PKD1L3: variants seen among roughly 807,000 people sequenced by gnomAD.
The protein encoded by PKD1L3 is polycystin 1 like 3, transient receptor potential channel interacting.
In PKD1L3, 239 loss-of-function variants were observed where a neutral mutation model predicts 184.1. The observed-to-expected ratio is 1.30, with a 90% confidence interval of 1.17 to 1.45. The LOEUF is 1.45. Ranked by LOEUF, PKD1L3 falls within the 40% of genes most tolerant of loss-of-function variation. The pLI is 0.00. For missense variants in PKD1L3, 2,660 were observed against 2,067.2 expected (o/e 1.29, Z -5.56); for synonymous variants, 996 against 778.8 (o/e 1.28, Z -4.64).
chr16:71,970,029 A>G lies in PKD1L3; in HGVS notation c.2030T>C (p.Val677Ala), dbSNP rs1191732563. 1 of 1,551,706 alleles carries G rather than the reference A, an allele frequency of 6.4e-7. No individual in the cohort carries two copies. Among genetic ancestry groups the G allele is most frequent in the East Asian group, 2.4e-5 (1 of 40,916 alleles). ...HLTFFASDFF[V>A]VPRTVNVEDT... ...TTCAACATTCACGGTCCTGGGCACG[A>G]CAAAGAAGTCGCTGGCAAAGAAGGT... Residue 677 changes from valine to alanine, a missense_variant, in exon 13 of 30, where the codon GTC becomes GCC. Physicochemically the swap from Val to Ala is moderately conservative, Grantham distance 64. Transcript: ENST00000620267.
At chr16:71,971,303 T>C (rs980556303) in intron 12 of PKD1L3, among the ~76,000 whole-genome samples, 6 of 152,260 alleles carry the variant, frequency 3.9e-5, no homozygotes, top group African/African-American at 1.4e-4. Flanking sequence ...GCTTTCCATA[T>C]GTTGGAACAT....
chr16:71,979,265 G>A (rs892113086), intron 9 of PKD1L3, among the ~76,000 whole-genome samples: 30 of 152,116 alleles, frequency 2.0e-4, no homozygotes, highest in Non-Finnish European at 3.1e-4. Flanking sequence ...CCAAAATGGC[G>A]AAACCCCGCC....
chr16:71,933,791 A>T (rs2038076154), intron 27 of PKD1L3, 124 bp downstream of exon 27: 1 of 1,085,158 alleles, frequency 9.2e-7, no homozygotes, highest in Non-Finnish European at 1.3e-6. Context: ...GTGGAACTAG[A>T]TCTAAACCCG....
intron 16 of PKD1L3, among the ~76,000 whole-genome samples, chr16:71,958,717 G>T (rs951954688): frequency 2.7e-5 from 4 of 146,430 alleles, no homozygotes; most frequent in Admixed American, 6.9e-5. Context: ...GGAGGCGGAG[G>T]TTGCAGTGAG....
chr16:71,934,107 C>T lies in PKD1L3; in HGVS notation c.4632G>A (p.Glu1544=). The change falls in exon 27 of 30, where the codon GAG becomes GAA. Residue 1544 remains glutamate, a synonymous_variant. Transcript: ENST00000620267. ...TCGCAGCAGAGTTCACTTTTACTGC[C>T]TCATAGAAGCTGATGAATCTGCACC... ...DDQDRFISFY[E]AVKVNSAATH... 1 of 1,551,874 alleles carries T rather than the reference C, an allele frequency of 6.4e-7. No homozygotes were observed. The highest frequency in any genetic ancestry group is 8.7e-7 in the Non-Finnish European group (1 of 1,147,040).
chr16:71,935,893 T>A (rs2038158234), intron 25 of PKD1L3, among the ~76,000 whole-genome samples: 1 of 151,918 alleles, frequency 6.6e-6, no homozygotes, highest in South Asian at 2.1e-4. Context: ...AGGCTCAGGC[T>A]CAAGCAGTCC....
intron 3 of PKD1L3, among the ~76,000 whole-genome samples, chr16:71,990,663 G>A (rs2040553954): frequency 6.6e-6 from 1 of 152,156 alleles, no homozygotes; most frequent in South Asian, 2.1e-4. Context: ...GAACCTGGGA[G>A]GCAGAGGTTG....
At position 71,993,293 on chromosome 16, in the gene PKD1L3, C is replaced by T; in HGVS notation, c.458G>A (p.Gly153Glu). 1.9e-6 allele frequency: 3 copies of T among 1,549,064 alleles called. No individual in the cohort carries two copies. The highest frequency in any genetic ancestry group is 2.6e-6 in the Non-Finnish European group (3 of 1,146,164). The change falls in exon 3 of 30, where the codon GGA becomes GAA. Residue 153 changes from glycine to glutamate, a missense_variant. Transcript: ENST00000620267. ...TCTCTGGTACAAATGGGAATTATTT[C>T]CATTTCTTTCATAATGGGCATCTCC... ...LDGDAHYERNGNNSHLYQRHK... is the reference protein window; with the variant it reads ...LDGDAHYERNENNSHLYQRHK...
At chr16:71,954,381 A>C (rs566506602) in intron 16 of PKD1L3, 80 bp from the exon 17 acceptor site, 1 of 1,132,956 alleles carries the variant, frequency 8.8e-7, no homozygotes, top group African/African-American at 1.6e-5. Context: ...TTTGCCCAGC[A>C]ACAAGCGACA....
rs1375200862 is a variant in PKD1L3 at position 71,943,367 on chromosome 16, C to T, written c.3860-343G>A. ...GCCTGACCAACATAGTAAAACCCCC[C>T]CATCTACTAGAAATACAAAAATTAG... is the stretch of plus-strand genomic sequence containing the variant. On this transcript the variant is annotated intron_variant, in intron 23 of 29. Transcript: ENST00000620267. Among the ~76,000 whole-genome samples, 5 of 151,616 alleles carry T rather than the reference C, an allele frequency of 3.3e-5. No homozygotes were observed. The South Asian group carries it at 8.3e-4, about 25-fold the overall frequency.
rs146736750 is a variant in PKD1L3, at chr16:71,970,126, T to A, written c.1954-21A>T. 1.2e-3 allele frequency: 1,794 copies of A among 1,537,966 alleles called. 18 individuals carry two copies. The African/African-American group carries it at 0.022, about 19-fold the overall frequency. On this transcript the variant is annotated intron_variant, in intron 12 of 29. Coordinates refer to ENST00000620267, the MANE Select transcript of PKD1L3 (RefSeq NM_181536.2). ...CCAACCTGGAATTAGAATCAAGACG[T>A]TGATTCTAGTCAGACAGAGTGCTAA...
chr16:71,956,378 G>T (rs1328774861), intron 16 of PKD1L3, among the ~76,000 whole-genome samples: 1 of 151,650 alleles, frequency 6.6e-6, no homozygotes, highest in Non-Finnish European at 1.5e-5. Context: ...ATTTTTAGTA[G>T]AGATGGAGTT....
intron 21 of PKD1L3, 85 bp downstream of exon 21, chr16:71,949,698 C>G (rs1266132159): frequency 4.8e-6 from 6 of 1,249,382 alleles, no homozygotes; most frequent in Admixed American, 4.6e-5. Context: ...ATTGTCAAAA[C>G]CACTAGGCAC....
In PKD1L3 at chr16:71,952,919, G is replaced by A. The variant is rs2038898947; in HGVS notation, c.2984C>T (p.Pro995Leu). The A allele has an allele frequency of 1.9e-6, 3 of 1,549,666 alleles. No homozygotes were observed. Among genetic ancestry groups the A allele is most frequent in the African/African-American group, 1.4e-5 (1 of 72,962 alleles). ...ASCLSDASVE[P>L]LSATMVVEEL... ...CTCAACTACCATTGTGGCAGAGAGAGGCTCAACAGAAGCATCTGAGAGGCA... is the reference window on the plus strand; with the variant it reads ...CTCAACTACCATTGTGGCAGAGAGAAGCTCAACAGAAGCATCTGAGAGGCA... The change falls in exon 18 of 30, where the codon CCT (proline) becomes CTT (leucine). Residue 995 changes from proline (P) to leucine (L), a missense_variant. Transcript: ENST00000620267.
Position 71,973,507 on chromosome 16 carries a change from G to A in PKD1L3, c.1770C>T (p.Tyr590=), listed in dbSNP as rs151000725. The A allele has an allele frequency of 3.2e-6, 5 of 1,551,490 alleles. No individual in the cohort carries two copies. In the Admixed American group the frequency reaches 5.9e-5, roughly 18 times the overall value. ...GATGCTCTGGATTCAGCACCCACGT[G>A]TACTCCTCATCTTAGAACAAAGAAG... ...KDKVWQKDEE[Y]TWVLNPEHLQ... Residue 590 remains tyrosine (Y), a synonymous_variant, in exon 12 of 30, where the codon TAC becomes TAT. Coordinates refer to ENST00000620267, the MANE Select transcript of PKD1L3 (RefSeq NM_181536.2).
Position 71,979,984 on chromosome 16 carries a change from C to A in PKD1L3, c.1271+23G>T, listed in dbSNP as rs72803747. 9.9e-3 allele frequency: 15,382 copies of A among 1,551,178 alleles called. 118 individuals are homozygous for A. The highest frequency in any genetic ancestry group is 0.057 in the Middle Eastern group (341 of 5,996). ...AAAGTGAAAAACACAGTGAAACTCT[C>A]CCCGTTCCTTCTTCCCATTAACCTG... On this transcript the variant is annotated intron_variant, in intron 8 of 29. Transcript: ENST00000620267.
intron 15 of PKD1L3, among the ~76,000 whole-genome samples, chr16:71,963,971 C>T (rs954200809): frequency 6.6e-6 from 1 of 152,110 alleles, no homozygotes; most frequent in African/African-American, 2.4e-5. Flanking sequence ...ATCCCATCTG[C>T]CTTTCATCAT....
chr16:71,979,857 C>T lies in PKD1L3; in HGVS notation c.1327G>A (p.Val443Met). The change falls in exon 9 of 30, where the codon GTG (valine) becomes ATG (methionine). Residue 443 changes from valine (V) to methionine (M), a missense_variant. Coordinates refer to ENST00000620267, the MANE Select transcript of PKD1L3 (RefSeq NM_181536.2). ...AAAGCCGACGGAAAGCCTAGCCTCA[C>T]AGGGGCTGGGTGACCCAGAGTGTAA... ...SSYTLGHPAP[V>M]RLGFPSALAL... 2.6e-6 allele frequency: 4 copies of T among 1,530,534 alleles called. No individual in the cohort carries two copies. Among genetic ancestry groups the T allele is most frequent in the Non-Finnish European group, 3.5e-6 (4 of 1,142,268 alleles). 94.8% of individuals were successfully genotyped at this position (1,530,534 alleles called of 1,614,324 possible).
chr16:71,956,009 T>C (rs929307903), intron 16 of PKD1L3, among the ~76,000 whole-genome samples: 2 of 151,838 alleles, frequency 1.3e-5, no homozygotes, highest in Non-Finnish European at 1.5e-5. Context: ...ATAGACTAAA[T>C]ATAACACCTG....
Sources: allele counts gnomAD v4.1 joint callset (sites outside exome capture counted in the v4.1 genomes callset), GRCh38; gene constraint gnomAD v4.1.1; transcripts MANE v1.5; gene names NCBI Gene and HGNC (gene_info 2026-07-23, HGNC 2026-07-21).